The following GULP1 variants were observed in gnomAD, a reference collection of about 807,000 sequenced individuals.
GULP1 encodes the protein PTB domain-containing engulfment adapter protein 1.
Under a neutral mutation model 40.9 loss-of-function variants are expected in GULP1, and 19 were observed. That is an observed-to-expected ratio of 0.46 (90% CI 0.32 to 0.68). The LOEUF is 0.68. Among genes scored for constraint, GULP1 ranks in the 30% least tolerant of loss-of-function variants. GULP1 has a pLI of 0.03. For missense variants in GULP1, 312 were observed against 362.2 expected (o/e 0.86, Z 1.12); for synonymous variants, 119 against 117.6 (o/e 1.01, Z -0.08).
chr2:188,463,431 T>C (rs1262389723), intron 2 of GULP1, among the ~76,000 whole-genome samples: 1 of 152,208 alleles, frequency 6.6e-6, no homozygotes, highest in Non-Finnish European at 1.5e-5. Flanking sequence ...CTCTTGCTGC[T>C]TTTAGCACCC....
chr2:188,401,457 C>A (rs1250485171), intron 2 of GULP1, among the ~76,000 whole-genome samples: 1 of 151,812 alleles, frequency 6.6e-6, no homozygotes, highest in African/African-American at 2.4e-5. Context: ...GCATATAGTA[C>A]TTTTGTAGCC....
chr2:188,577,213 A>C (rs190422694), intron 9 of GULP1, among the ~76,000 whole-genome samples: 9 of 152,194 alleles, frequency 5.9e-5, no homozygotes, highest in African/African-American at 1.9e-4. Flanking sequence ...GTGTTAGATA[A>C]AATTATTTCT....
At position 188,552,720 on chromosome 2, in the gene GULP1, A is replaced by G. The variant is rs950151135; in HGVS notation, c.399+11402A>G. Reference sequence around the variant, plus strand: ...GTTGCTTTGGATGGTAGTCATTTAAATGATATTATTTCTTATGATCCATGA... The same window carrying G: ...GTTGCTTTGGATGGTAGTCATTTAAGTGATATTATTTCTTATGATCCATGA... On this transcript the variant is annotated intron_variant, in intron 7 of 11. Coordinates refer to ENST00000409830, the MANE Select transcript of GULP1 (RefSeq NM_016315.4). 1.6e-4 allele frequency among the ~76,000 whole-genome samples: 25 copies of G among 151,828 alleles called. No individual in the cohort carries two copies. The East Asian group carries it at 4.6e-3, about 28-fold the overall frequency.
At chr2:188,392,794 G>T (rs1471140186) in intron 2 of GULP1, among the ~76,000 whole-genome samples, 3 of 151,848 alleles carry the variant, frequency 2.0e-5, no homozygotes, top group African/African-American at 7.2e-5. Context: ...TCGCTATTAT[G>T]CTTCATTTCA....
intron 1 of GULP1, among the ~76,000 whole-genome samples, chr2:188,358,858 A>T (rs1386157793): frequency 6.6e-6 from 1 of 152,154 alleles, no homozygotes; most frequent in Non-Finnish European, 1.5e-5. Context: ...AACATTGGAC[A>T]TCCATTTCTA....
At chr2:188,409,395 T>C (rs2152703086) in intron 2 of GULP1, among the ~76,000 whole-genome samples, 1 of 152,234 alleles carries the variant, frequency 6.6e-6, no homozygotes, top group Non-Finnish European at 1.5e-5. Context: ...AACCTACTTA[T>C]GCTAAATCAG....
intron 2 of GULP1, among the ~76,000 whole-genome samples, chr2:188,444,277 C>T (rs1194585150): frequency 2.6e-5 from 4 of 152,042 alleles, no homozygotes; most frequent in Non-Finnish European, 4.4e-5. Context: ...GTAAAGTGTT[C>T]TCACCACAAA....
At chr2:188,330,554 G>A (rs1457306467) in intron 1 of GULP1, among the ~76,000 whole-genome samples, 1 of 152,096 alleles carries the variant, frequency 6.6e-6, no homozygotes, top group Non-Finnish European at 1.5e-5. Flanking sequence ...TGTTTACACT[G>A]TGGCATCTTT....
chr2:188,355,305 A>G (rs2045134735), intron 1 of GULP1, among the ~76,000 whole-genome samples: 1 of 152,122 alleles, frequency 6.6e-6, no homozygotes, highest in South Asian at 2.1e-4. Flanking sequence ...GAAAAAAAGG[A>G]GAAAAGACCA....
chr2:188,409,440 A>T (rs2053577232), intron 2 of GULP1, among the ~76,000 whole-genome samples: 2 of 152,180 alleles, frequency 1.3e-5, no homozygotes, highest in South Asian at 4.1e-4. Flanking sequence ...CCAATAATGA[A>T]TAATGAGATT....
At chr2:188,553,012 T>A (rs1336438914) in intron 7 of GULP1, among the ~76,000 whole-genome samples, 1 of 151,860 alleles carries the variant, frequency 6.6e-6, no homozygotes, top group Non-Finnish European at 1.5e-5. Context: ...TATACAGAAA[T>A]GCTCCTGATT....
chr2:188,330,625 T>G (rs1230552177), intron 1 of GULP1, among the ~76,000 whole-genome samples: 1 of 152,202 alleles, frequency 6.6e-6, no homozygotes, highest in East Asian at 1.9e-4. Context: ...TTTAGTATTT[T>G]GAATAAAAGG....
At chr2:188,563,303 A>G (rs192088948) in intron 7 of GULP1, among the ~76,000 whole-genome samples, 49 of 151,942 alleles carry the variant, frequency 3.2e-4, no homozygotes, top group African/African-American at 1.1e-3. Context: ...CAAATTGCCA[A>G]TACTAGAAAT....
intron 7 of GULP1, among the ~76,000 whole-genome samples, chr2:188,562,586 T>C (rs766717439): frequency 3.3e-5 from 5 of 152,128 alleles, no homozygotes; most frequent in Non-Finnish European, 7.3e-5. Flanking sequence ...TCTACAATTA[T>C]AGTTGTACAT....
intron 2 of GULP1, among the ~76,000 whole-genome samples, chr2:188,469,241 C>G (rs749066217): frequency 2.0e-5 from 3 of 152,126 alleles, no homozygotes; most frequent in Admixed American, 6.5e-5. Context: ...AGGTCTAGGC[C>G]TGGCCTTGTC....
intron 4 of GULP1, among the ~76,000 whole-genome samples, chr2:188,488,394 A>C (rs1451427460): frequency 6.6e-6 from 1 of 152,066 alleles, no homozygotes; most frequent in Non-Finnish European, 1.5e-5. Context: ...ACAAATATCA[A>C]ACTGGTTTGT....
At chr2:188,468,935 A>C (rs1346649959) in intron 2 of GULP1, among the ~76,000 whole-genome samples, 1 of 152,164 alleles carries the variant, frequency 6.6e-6, no homozygotes, top group African/African-American at 2.4e-5. Flanking sequence ...AATAGTAAGC[A>C]AGACTAGAAA....
intron 4 of GULP1, among the ~76,000 whole-genome samples, chr2:188,499,367 A>G (rs2063215371): frequency 6.6e-6 from 1 of 151,264 alleles, no homozygotes; most frequent in Non-Finnish European, 1.5e-5. Context: ...CATCATTATT[A>G]TATTGTGCAT....
At chr2:188,353,858 G>C (rs748755138) in intron 1 of GULP1, among the ~76,000 whole-genome samples, 28 of 151,890 alleles carry the variant, frequency 1.8e-4, no homozygotes, top group Non-Finnish European at 3.4e-4. Flanking sequence ...GACCAATGAA[G>C]TTAGTTACAT....
Sources: allele counts gnomAD v4.1 joint callset (sites outside exome capture counted in the v4.1 genomes callset), GRCh38; gene constraint gnomAD v4.1.1; transcripts MANE v1.5; gene names NCBI Gene and HGNC (gene_info 2026-07-23, HGNC 2026-07-21).